MVB12B: variants seen among roughly 807,000 people sequenced by gnomAD.
MVB12B encodes ESCRT-I complex subunit MVB12B.
A neutral mutation model predicts 41.6 loss-of-function variants in MVB12B; 16 were observed. That is an observed-to-expected ratio of 0.38 (90% confidence interval 0.26 to 0.58). The LOEUF (loss-of-function observed/expected upper bound fraction) is 0.58. Ranked by LOEUF, MVB12B falls within the 20% of genes least tolerant of loss-of-function variation. The pLI, the probability that MVB12B is intolerant of heterozygous loss-of-function variation, is 0.62. For missense variants in MVB12B, 274 were observed against 380.2 expected (o/e 0.72, Z 2.32); for synonymous variants, 133 against 139.7 (o/e 0.95, Z 0.34).
intron 9 of MVB12B, among the ~76,000 whole-genome samples, chr9:126,497,764 C>T (rs1270658647): frequency 6.6e-6 from 1 of 152,252 alleles, no homozygotes; most frequent in Non-Finnish European, 1.5e-5. Flanking sequence ...TATGCAGCCT[C>T]TCCAATGTCT....
At chr9:126,379,660 A>AT (rs2118957626) in intron 2 of MVB12B, among the ~76,000 whole-genome samples, 1 of 152,278 alleles carries the variant, frequency 6.6e-6, no homozygotes, top group South Asian at 2.1e-4. Context: ...CTAATTTACA[A>AT]TTGTTTGGTT....
In MVB12B at chr9:126,391,917, G is replaced by A. The variant is rs1472432622; in HGVS notation, c.410-149G>A. ...GTGACTGCAGCCCCGGGGAAGGCAG[G>A]CGGCAGAGCGCAGCCCTTCTGTCCA... On this transcript the variant is annotated intron_variant, in intron 4 of 9. Coordinates refer to ENST00000361171, the MANE Select transcript of MVB12B (RefSeq NM_033446.3). The surrounding 1 kb of genome is among the most constrained non-coding windows in gnomAD (Gnocchi z 4.4). The A allele has an allele frequency of 2.2e-6, 2 of 902,224 alleles. No homozygotes were observed. Among genetic ancestry groups the A allele is most frequent in the Non-Finnish European group, 3.5e-6 (2 of 577,328 alleles). 55.9% of individuals were successfully genotyped at this position (902,224 alleles called of 1,614,324 possible). A position where few individuals can be genotyped will look rare whatever the true frequency, so the allele number is the denominator to read the frequency against.
At chr9:126,430,029 G>A (rs191081741) in intron 7 of MVB12B, among the ~76,000 whole-genome samples, 11 of 152,288 alleles carry the variant, frequency 7.2e-5, no homozygotes, top group Non-Finnish European at 1.3e-4. Flanking sequence ...ACAGAAGGCC[G>A]TGGGCCCGGG....
intron 6 of MVB12B, among the ~76,000 whole-genome samples, chr9:126,421,616 A>T (rs185873990): frequency 6.6e-6 from 1 of 152,260 alleles, no homozygotes; most frequent in Admixed American, 6.5e-5. Context: ...TTCCTCTTGG[A>T]TGTCCTTTCT....
chr9:126,482,751 C>T (rs1833551535), intron 8 of MVB12B, among the ~76,000 whole-genome samples: 1 of 152,224 alleles, frequency 6.6e-6, no homozygotes, highest in Non-Finnish European at 1.5e-5. Context: ...ACGTGTGACT[C>T]GGTGGCCCCG....
At chr9:126,362,913 G>T (rs781221965) in intron 2 of MVB12B, among the ~76,000 whole-genome samples, 1 of 152,178 alleles carries the variant, frequency 6.6e-6, no homozygotes, top group Non-Finnish European at 1.5e-5. Flanking sequence ...TTGGCCAGGC[G>T]TGGTGGCTCA....
chr9:126,412,433 A>T lies in MVB12B; in HGVS notation c.663-9421A>T, dbSNP rs930835479. Among the ~76,000 whole-genome samples the T allele has an allele frequency of 2.0e-5, 3 of 152,252 alleles. No individual in the cohort carries two copies. The East Asian group carries it at 5.8e-4, about 29-fold the overall frequency. The stretch of plus-strand genomic sequence containing the variant: ...CCCACAATCCATTCCTCTCCTTTGT[A>T]CATGACCTCTGGTCTTTGTCCACCA... On this transcript the variant is annotated intron_variant, in intron 6 of 9. Coordinates refer to ENST00000361171, the MANE Select transcript of MVB12B (RefSeq NM_033446.3).
At chr9:126,332,311 T>C (rs535253353) in intron 1 of MVB12B, among the ~76,000 whole-genome samples, 1 of 152,290 alleles carries the variant, frequency 6.6e-6, no homozygotes, top group East Asian at 1.9e-4. Flanking sequence ...TATTCATTGC[T>C]CTATCACCCA....
rs1473750052 is a variant in MVB12B, at chr9:126,376,499, G to T, written c.205-4565G>T. ...CCTGTGGGTGGGGGGCCTGCTGGCTGGTGTGCTACACAGTGGGGCGACGAG... is the reference window on the plus strand; with the variant it reads ...CCTGTGGGTGGGGGGCCTGCTGGCTTGTGTGCTACACAGTGGGGCGACGAG... On this transcript the variant is annotated intron_variant, in intron 2 of 9. Transcript: ENST00000361171. This position sits in a 1 kb window ranked among gnomAD's most constrained non-coding sequence, Gnocchi z 4.1. The T allele has an allele frequency of 7.0e-6, 9 of 1,288,876 alleles. No individual in the cohort carries two copies. The highest frequency in any genetic ancestry group is 2.3e-5 in the Admixed American group (1 of 43,546). 79.8% of individuals were successfully genotyped at this position (1,288,876 alleles called of 1,614,324 possible).
Position 126,376,427 on chromosome 9 carries a change from T to G in MVB12B, c.205-4637T>G. 2.8e-6 allele frequency: 3 copies of G among 1,065,118 alleles called. No homozygotes were observed. Among genetic ancestry groups the G allele is most frequent in the Non-Finnish European group, 3.8e-6 (3 of 785,288 alleles). 66.0% of individuals were successfully genotyped at this position (1,065,118 alleles called of 1,614,324 possible). On this transcript the variant is annotated intron_variant, in intron 2 of 9. Coordinates refer to ENST00000361171, the MANE Select transcript of MVB12B (RefSeq NM_033446.3). The surrounding 1 kb of genome is among the most constrained non-coding windows in gnomAD (Gnocchi z 4.1). ...GTCCCCAGTGCCTGGTGACCCTTTG[T>G]TGTGGGTTGGGATTTAAGATGGAGG...
chr9:126,484,420 G>A (rs1432480588), intron 9 of MVB12B, among the ~76,000 whole-genome samples: 1 of 152,200 alleles, frequency 6.6e-6, no homozygotes, highest in Non-Finnish European at 1.5e-5. Context: ...GGGGTTTCGG[G>A]AAATGACCAA....
rs1318448422 is a variant in MVB12B at position 126,440,951 on chromosome 9, G to A, written c.757+19003G>A. 2.0e-5 allele frequency among the ~76,000 whole-genome samples: 3 copies of A among 152,318 alleles called. No homozygotes were observed. The East Asian group carries it at 5.8e-4, about 29-fold the overall frequency. On this transcript the variant is annotated intron_variant, in intron 7 of 9. Coordinates refer to ENST00000361171, the MANE Select transcript of MVB12B (RefSeq NM_033446.3). ...TGGTGTGCTGATTAGCATAATTAAT[G>A]ACAAATGGTGGTGCGGAATTGGTGG...
At chr9:126,413,237 TA>T (rs2119064216) in intron 6 of MVB12B, among the ~76,000 whole-genome samples, 1 of 152,294 alleles carries the variant, frequency 6.6e-6, no homozygotes, top group East Asian at 1.9e-4. Flanking sequence ...ATGAATTGTG[TA>T]ATTGGCCCCA....
At chr9:126,397,176 T>A (rs1351101337) in intron 6 of MVB12B, 1 of 985,392 alleles carries the variant, frequency 1.0e-6, no homozygotes, top group Non-Finnish European at 1.2e-6. Flanking sequence ...TTGTTACAGC[T>A]GCTCCCTGCT....
At chr9:126,460,009 C>T (rs754111268) in intron 7 of MVB12B, among the ~76,000 whole-genome samples, 1 of 152,214 alleles carries the variant, frequency 6.6e-6, no homozygotes, top group Admixed American at 6.5e-5. Context: ...TTTCCCCAGC[C>T]GTGGCCTCTG....
intron 7 of MVB12B, among the ~76,000 whole-genome samples, chr9:126,442,794 A>G (rs1832671985): frequency 6.6e-6 from 1 of 152,184 alleles, no homozygotes; most frequent in South Asian, 2.1e-4. Flanking sequence ...GCCGGCCAAC[A>G]TGAGTTGGGC....
At chr9:126,455,226 C>T (rs576901628) in intron 7 of MVB12B, among the ~76,000 whole-genome samples, 5 of 151,644 alleles carry the variant, frequency 3.3e-5, no homozygotes, top group Non-Finnish European at 7.4e-5. Context: ...CTTGTTCTGT[C>T]GCCCAGGCTG....
chr9:126,364,882 G>A (rs1015403027), intron 2 of MVB12B, among the ~76,000 whole-genome samples: 1 of 151,750 alleles, frequency 6.6e-6, no homozygotes, highest in African/African-American at 2.4e-5. Flanking sequence ...CTCCCAAGTA[G>A]CTGGGAATAC....
chr9:126,432,934 C>T (rs541508274), intron 7 of MVB12B, among the ~76,000 whole-genome samples: 55 of 152,212 alleles, frequency 3.6e-4, no homozygotes, highest in African/African-American at 1.3e-3. Flanking sequence ...TCACGTGGGC[C>T]CCTGGATGAT....
Sources: allele counts gnomAD v4.1 joint callset (sites outside exome capture counted in the v4.1 genomes callset), GRCh38; gene constraint gnomAD v4.1.1; non-coding constraint Gnocchi (gnomAD v3.1); transcripts MANE v1.5; gene names NCBI Gene and HGNC (gene_info 2026-07-23, HGNC 2026-07-21).